CCDC12: variants seen among roughly 807,000 people sequenced by gnomAD.
CCDC12 encodes coiled-coil domain containing 12, also known as coiled-coil domain-containing protein 12.
Under a neutral mutation model 25.7 loss-of-function variants are expected in CCDC12, and 28 were observed. The observed-to-expected ratio is 1.09, with a 90% CI of 0.81 to 1.50. The LOEUF is 1.50. Ranked by LOEUF, CCDC12 falls within the 40% of genes most tolerant of loss-of-function variation. The probability of loss-of-function intolerance (pLI) is 0.00; values close to 1 mark genes in which losing one functional copy is unlikely to be tolerated. For missense variants in CCDC12, 198 were observed against 210.0 expected, an observed-to-expected ratio of 0.94 and a Z score of 0.35; for synonymous variants, 75 against 87.7, an observed-to-expected ratio of 0.86 and a Z score of 0.81.
chr3:46,940,594 A>AG (rs1301620396), intron 2 of CCDC12: 2 of 179,734 alleles, frequency 1.1e-5, no homozygotes, highest in Admixed American at 5.6e-5. Flanking sequence ...CCGACCACAA[A>AG]GGGCTCTGGC....
At chr3:46,923,485 G>T in intron 4 of CCDC12, 122 bp from the exon 5 acceptor site, 1 of 1,465,280 alleles carries the variant, frequency 6.8e-7, no homozygotes, top group Non-Finnish European at 9.4e-7. Flanking sequence ...GAGAGCAAAG[G>T]GGCTGGTGGG....
chr3:46,956,764 T>TGAGCC (rs10700564), intron 1 of CCDC12, among the ~76,000 whole-genome samples: 143,427 of 151,814 alleles, frequency 0.94, 68,317 homozygotes, highest in East Asian at 1. Flanking sequence ...GAGGCTGCAG[T>TGAGCC]GAGATTGCAC....
At position 46,976,433 on chromosome 3, in the gene CCDC12, C is replaced by A. The variant is rs78437512; in HGVS notation, c.96+204G>T. 557 of 1,418,800 alleles carry A rather than the reference C, an allele frequency of 3.9e-4. 4 individuals are homozygous for A. The African/African-American group carries it at 7.3e-3, about 19-fold the overall frequency. 87.9% of individuals were successfully genotyped at this position (1,418,800 alleles called of 1,614,324 possible). On this transcript the variant is annotated intron_variant, in intron 1 of 6. Transcript: ENST00000683445. The stretch of plus-strand genomic sequence containing the variant: ...CTTGCCCACCCCCGCGCATGCGCGA[C>A]GACCGCACCAGCGCCAGAGGAGTCC...
rs564391000 is a variant in CCDC12 at position 46,923,307 on chromosome 3, G to A, written c.341+22C>T. 44 of 1,474,750 alleles carry A rather than the reference G, an allele frequency of 3.0e-5. 1 individual carries two copies. The highest frequency in any genetic ancestry group is 2.5e-4 in the Middle Eastern group (1 of 3,946). 91.4% of individuals were successfully genotyped at this position (1,474,750 alleles called of 1,614,324 possible). A position where few individuals can be genotyped will look rare whatever the true frequency, so the allele number is the denominator to read the frequency against. Reference sequence around the variant, plus strand: ...AGAGTCCCCGAGTCAGCCTGCACCCGCCACGCACGGGCAACACTCACCAGT... The same window carrying A: ...AGAGTCCCCGAGTCAGCCTGCACCCACCACGCACGGGCAACACTCACCAGT... On this transcript the variant is annotated intron_variant, in intron 5 of 6. Coordinates refer to ENST00000683445, the MANE Select transcript of CCDC12 (RefSeq NM_001277074.2).
At chr3:46,963,728 G>A (rs1456045810) in intron 1 of CCDC12, among the ~76,000 whole-genome samples, 2 of 152,282 alleles carry the variant, frequency 1.3e-5, no homozygotes, top group Non-Finnish European at 2.9e-5. Context: ...GAGGTGCCGG[G>A]ATTGCAGATG....
chr3:46,925,552 A>C lies in CCDC12; in HGVS notation c.165-17T>G, dbSNP rs750423060. The C allele has an allele frequency of 6.5e-7, 1 of 1,538,124 alleles. No homozygotes were observed. Among genetic ancestry groups the C allele is most frequent in the Non-Finnish European group, 8.8e-7 (1 of 1,134,634 alleles). ...CTAAGTTCCCTGCAAGAATAGAGGG[A>C]ACAAGCAGAGATGAAGTCAGTGTGT... On this transcript the variant is annotated splice_polypyrimidine_tract_variant and intron_variant, in intron 2 of 6. Coordinates refer to ENST00000683445, the MANE Select transcript of CCDC12 (RefSeq NM_001277074.2).
At chr3:46,970,058 C>T (rs891452801) in intron 1 of CCDC12, among the ~76,000 whole-genome samples, 8 of 151,954 alleles carry the variant, frequency 5.3e-5, no homozygotes, top group African/African-American at 1.9e-4. Context: ...GTGCACGACA[C>T]CATTCCAGGT....
chr3:46,923,661 C>A lies in CCDC12; in HGVS notation c.252G>T (p.Glu84Asp). The A allele has an allele frequency of 6.4e-7, 1 of 1,563,846 alleles. No individual in the cohort carries two copies. The highest frequency in any genetic ancestry group is 1.2e-5 in the South Asian group (1 of 81,988). The stretch of plus-strand genomic sequence containing the variant: ...CGGCCTCCAGCTGCTCCTTCACCTT[C>A]TCCTCCACTAGAGGGTGCAATTAAA... ...VPQAKPVAVE[E>D]KVKEQLEAAK... The change falls in exon 4 of 7, where the codon GAG (glutamate) becomes GAT (aspartate). Residue 84 changes from glutamate to aspartate, a missense_variant. Physicochemically the swap from Glu to Asp is conservative, Grantham distance 45. Coordinates refer to ENST00000683445, the MANE Select transcript of CCDC12 (RefSeq NM_001277074.2).
chr3:46,966,995 G>T (rs1291979767), intron 1 of CCDC12, among the ~76,000 whole-genome samples: 1 of 152,092 alleles, frequency 6.6e-6, no homozygotes, highest in East Asian at 1.9e-4. Context: ...TCAGGGCACA[G>T]AATGATCTCC....
chr3:46,922,526 A>G (rs1181885907), intron 5 of CCDC12: 6 of 603,704 alleles, frequency 9.9e-6, no homozygotes, highest in Non-Finnish European at 1.8e-5. Context: ...GGGGACTAGC[A>G]TCACAAACCC....
intron 3 of CCDC12, among the ~76,000 whole-genome samples, chr3:46,924,337 C>A (rs769586885): frequency 6.6e-6 from 1 of 152,228 alleles, no homozygotes; most frequent in Admixed American, 6.5e-5. Context: ...CTGACCTGGG[C>A]AGTTCCTCAC....
At chr3:46,929,922 T>A (rs959285995) in intron 2 of CCDC12, among the ~76,000 whole-genome samples, 6 of 148,756 alleles carry the variant, frequency 4.0e-5, no homozygotes, top group Non-Finnish European at 8.9e-5. Context: ...TCCCAGCTAC[T>A]CAGGAGGCTG....
chr3:46,972,240 A>C (rs6442050), intron 1 of CCDC12, among the ~76,000 whole-genome samples: 1 of 151,950 alleles, frequency 6.6e-6, no homozygotes, highest in East Asian at 1.9e-4. Context: ...AGGCCAAAGC[A>C]GGAGGACTGC....
At chr3:46,937,076 G>T (rs1353428180) in intron 2 of CCDC12, among the ~76,000 whole-genome samples, 8 of 152,228 alleles carry the variant, frequency 5.3e-5, no homozygotes, top group Non-Finnish European at 7.3e-5. Context: ...TCCCATCCAG[G>T]TTGGGCCCTT....
chr3:46,940,617 A>G (rs2033662241), intron 2 of CCDC12: 1 of 205,634 alleles, frequency 4.9e-6, no homozygotes, highest in Non-Finnish European at 9.9e-6. Context: ...GAGGGAAACC[A>G]GAGGAGGTTG....
chr3:46,960,503 G>A (rs1575559542), intron 1 of CCDC12, among the ~76,000 whole-genome samples: 1 of 152,208 alleles, frequency 6.6e-6, no homozygotes, highest in Non-Finnish European at 1.5e-5. Flanking sequence ...AAGGACAAAT[G>A]TTTTCTGCTC....
chr3:46,941,839 A>G (rs1021684136), intron 1 of CCDC12, among the ~76,000 whole-genome samples: 1 of 152,240 alleles, frequency 6.6e-6, no homozygotes, highest in African/African-American at 2.4e-5. Context: ...CTTTCAGGCC[A>G]GAGTCCTCTC....
At chr3:46,954,646 C>G (rs180689501) in intron 1 of CCDC12, among the ~76,000 whole-genome samples, 1 of 152,168 alleles carries the variant, frequency 6.6e-6, no homozygotes, top group African/African-American at 2.4e-5. Flanking sequence ...GTATTTCCAC[C>G]GGGCACGGTG....
intron 1 of CCDC12, among the ~76,000 whole-genome samples, chr3:46,951,552 G>C (rs1278267961): frequency 2.0e-5 from 3 of 150,612 alleles, no homozygotes; most frequent in Non-Finnish European, 1.5e-5. Flanking sequence ...AAGCCGAGGC[G>C]GGTGGATCAC....
Sources: allele counts gnomAD v4.1 joint callset (sites outside exome capture counted in the v4.1 genomes callset), GRCh38; gene constraint gnomAD v4.1.1; transcripts MANE v1.5; gene names NCBI Gene and HGNC (gene_info 2026-07-23, HGNC 2026-07-21).